The following FAM117B variants were observed in gnomAD, a reference collection of about 807,000 sequenced individuals.
FAM117B encodes the protein family with sequence similarity 117 member B.
In FAM117B, 22 loss-of-function variants were observed where a neutral mutation model predicts 52.8. The ratio of observed to expected loss-of-function variants is 0.42; its 90% CI spans 0.30 to 0.59. The LOEUF (loss-of-function observed/expected upper bound fraction) is 0.59. Ranked by LOEUF, FAM117B falls within the 20% of genes least tolerant of loss-of-function variation. The probability of loss-of-function intolerance (pLI) is 0.22; values close to 1 mark genes in which losing one functional copy is unlikely to be tolerated. For synonymous variants in FAM117B, 309 were observed against 324.1 expected (o/e 0.95, Z 0.50); for missense variants, 678 against 802.6 (o/e 0.84, Z 1.88).
At position 202,693,969 on chromosome 2, in the gene FAM117B, A is replaced by G. The variant is rs557095931; in HGVS notation, c.602-1912A>G. On this transcript the variant is annotated intron_variant, in intron 1 of 7. Transcript: ENST00000392238. The stretch of plus-strand genomic sequence containing the variant: ...ATCTTAAAGGATGTGCACATTGAAT[A>G]TAGTTTTAATGTGGTCCATTTATTT... Among the ~76,000 whole-genome samples, 19 of 152,290 alleles carry G rather than the reference A, an allele frequency of 1.2e-4. No individual in the cohort carries two copies. In the South Asian group the frequency reaches 3.9e-3, roughly 32 times the overall value.
chr2:202,671,463 C>T (rs970707900), intron 1 of FAM117B, among the ~76,000 whole-genome samples: 6 of 152,220 alleles, frequency 3.9e-5, no homozygotes, highest in Non-Finnish European at 8.8e-5. Context: ...CTGGGAATAA[C>T]TCCCAGGCTC....
At chr2:202,762,906 G>A (rs1000294862) in intron 7 of FAM117B, among the ~76,000 whole-genome samples, 18 of 151,758 alleles carry the variant, frequency 1.2e-4, no homozygotes, top group African/African-American at 3.4e-4. Context: ...GAGGTATATC[G>A]TAAGTCTGTT....
At chr2:202,677,564 AACGTGTAGTGGTTT>A (rs1157964478) in intron 1 of FAM117B, among the ~76,000 whole-genome samples, 4 of 152,194 alleles carry the variant, frequency 2.6e-5, no homozygotes, top group African/African-American at 9.7e-5. Flanking sequence ...GAGGCCTTCT[AACGTGTAGTGGTTT>A]AGATCTTGCT....
chr2:202,710,743 C>T (rs1344926735), intron 2 of FAM117B, among the ~76,000 whole-genome samples: 1 of 152,126 alleles, frequency 6.6e-6, no homozygotes, highest in African/African-American at 2.4e-5. Flanking sequence ...TGATAACCAT[C>T]CTTCTACTCT....
intron 2 of FAM117B, among the ~76,000 whole-genome samples, chr2:202,718,073 C>T (rs1440669498): frequency 6.6e-6 from 1 of 152,220 alleles, no homozygotes. Context: ...CTACCACAGA[C>T]CCACAGGTAG....
intron 1 of FAM117B, among the ~76,000 whole-genome samples, chr2:202,652,021 C>G (rs1252624224): frequency 1.3e-5 from 2 of 148,752 alleles, no homozygotes; most frequent in African/African-American, 5.0e-5. Context: ...CCATTGCACT[C>G]CAGCCTGGGC....
chr2:202,662,391 TAGA>T, intron 1 of FAM117B, among the ~76,000 whole-genome samples: 1 of 151,978 alleles, frequency 6.6e-6, no homozygotes, highest in Middle Eastern at 3.4e-3. Flanking sequence ...GAGGAGGTGA[TAGA>T]GGAGGAGGGG....
At chr2:202,659,449 A>G (rs1037041952) in intron 1 of FAM117B, among the ~76,000 whole-genome samples, 8 of 151,694 alleles carry the variant, frequency 5.3e-5, no homozygotes, top group African/African-American at 1.9e-4. Context: ...AGCTGGCATT[A>G]TGGGCGCACA....
intron 2 of FAM117B, among the ~76,000 whole-genome samples, chr2:202,697,612 A>G (rs1690732086): frequency 6.8e-6 from 1 of 146,548 alleles, no homozygotes; most frequent in South Asian, 2.1e-4. Flanking sequence ...GTGCAGTGGT[A>G]TAATCTTGGC....
intron 1 of FAM117B, among the ~76,000 whole-genome samples, chr2:202,684,406 A>G (rs1169877071): frequency 6.6e-6 from 1 of 152,212 alleles, no homozygotes; most frequent in Non-Finnish European, 1.5e-5. Flanking sequence ...ATTTGTGGAC[A>G]TGTGTGCAGT....
At chr2:202,635,915 C>A in intron 1 of FAM117B, 127 bp downstream of exon 1, 1 of 842,028 alleles carries the variant, frequency 1.2e-6, no homozygotes, top group Non-Finnish European at 1.4e-6. Flanking sequence ...GGGCTGGGGG[C>A]GGTGCCGGGC....
At chr2:202,673,655 T>G (rs1043135953) in intron 1 of FAM117B, among the ~76,000 whole-genome samples, 6 of 151,582 alleles carry the variant, frequency 4.0e-5, no homozygotes, top group African/African-American at 7.3e-5. Flanking sequence ...ACCATATTAG[T>G]CAGGCTGGTC....
chr2:202,657,770 C>CA (rs1401047625), intron 1 of FAM117B, among the ~76,000 whole-genome samples: 1 of 152,130 alleles, frequency 6.6e-6, no homozygotes, highest in Non-Finnish European at 1.5e-5. Context: ...AGGTGTAAGC[C>CA]ACCTCACCTG....
At chr2:202,728,868 G>A (rs572241363) in intron 4 of FAM117B, among the ~76,000 whole-genome samples, 18 of 152,266 alleles carry the variant, frequency 1.2e-4, no homozygotes, top group African/African-American at 3.6e-4. Context: ...CTTGCAGAGA[G>A]GGTAAGGACA....
At chr2:202,711,591 G>A (rs1690958907) in intron 2 of FAM117B, among the ~76,000 whole-genome samples, 1 of 152,074 alleles carries the variant, frequency 6.6e-6, no homozygotes, top group Admixed American at 6.6e-5. Context: ...GCCTTTGCTT[G>A]TGGGTTATTA....
At chr2:202,639,663 G>C (rs1004049521) in intron 1 of FAM117B, among the ~76,000 whole-genome samples, 4 of 152,202 alleles carry the variant, frequency 2.6e-5, no homozygotes, top group Admixed American at 6.5e-5. Context: ...TAGAAGCCAT[G>C]TGATATGGAA....
At chr2:202,648,518 A>ACCCC (rs56196446) in intron 1 of FAM117B, among the ~76,000 whole-genome samples, 7 of 96,672 alleles carry the variant, frequency 7.2e-5, no homozygotes, top group African/African-American at 2.4e-4. Context: ...CTCTGTCCCC[A>ACCCC]CCCCCCCCCC....
intron 5 of FAM117B, 92 bp downstream of exon 5, chr2:202,755,773 C>A: frequency 7.6e-7 from 1 of 1,323,174 alleles, no homozygotes; most frequent in East Asian, 2.4e-5. Context: ...GGGTTTCTTC[C>A]TTCTCATTGA....
At chr2:202,682,296 C>T (rs535239295) in intron 1 of FAM117B, among the ~76,000 whole-genome samples, 3 of 152,254 alleles carry the variant, frequency 2.0e-5, no homozygotes, top group South Asian at 2.1e-4. Context: ...ACTCTTAAGC[C>T]GTCTGCGGAT....
Sources: gnomAD v4.1 joint callset for allele counts (sites outside exome capture counted in the v4.1 genomes callset) on GRCh38, gnomAD v4.1.1 for gene constraint, MANE v1.5 for transcripts, NCBI Gene and HGNC (gene_info 2026-07-23, HGNC 2026-07-21) for gene names.